UBTD2: variants seen among roughly 807,000 people sequenced by gnomAD.
UBTD2 encodes ubiquitin domain-containing protein 2.
Under a neutral mutation model 19.8 loss-of-function variants are expected in UBTD2, and 9 were observed. That is an observed-to-expected ratio of 0.46 (90% CI 0.27 to 0.79). The LOEUF is 0.79. Among genes scored for constraint, UBTD2 ranks in the 30% least tolerant of loss-of-function variants. The probability of loss-of-function intolerance (pLI) is 0.14; values close to 1 mark genes in which losing one functional copy is unlikely to be tolerated. For synonymous variants in UBTD2, 98 were observed against 103.9 expected (o/e 0.94, Z 0.35); for missense variants, 250 against 300.4 (o/e 0.83, Z 1.24).
At chr5:172,273,755 A>G (rs569921516) in intron 1 of UBTD2, among the ~76,000 whole-genome samples, 1 of 152,186 alleles carries the variant, frequency 6.6e-6, no homozygotes, top group East Asian at 1.9e-4. Context: ...CTAGTGCTAA[A>G]ACTTTTCCCA....
At chr5:172,232,275 AAAAAT>A (rs766143573) in intron 2 of UBTD2, among the ~76,000 whole-genome samples, 1 of 151,508 alleles carries the variant, frequency 6.6e-6, no homozygotes. Context: ...CCTGTCTCAA[AAAAAT>A]AAAATAAGTT....
At chr5:172,242,077 CT>C (rs1382154799) in intron 1 of UBTD2, among the ~76,000 whole-genome samples, 1 of 152,156 alleles carries the variant, frequency 6.6e-6, no homozygotes, top group Non-Finnish European at 1.5e-5. Flanking sequence ...ACTTCCTCCC[CT>C]TTTTTTCTCT....
At chr5:172,239,453 T>C (rs1772078949) in intron 1 of UBTD2, among the ~76,000 whole-genome samples, 1 of 151,992 alleles carries the variant, frequency 6.6e-6, no homozygotes, top group Non-Finnish European at 1.5e-5. Context: ...GGAGTTTCAC[T>C]CTTGTTGCCC....
intron 1 of UBTD2, among the ~76,000 whole-genome samples, chr5:172,279,507 A>AAAGGAAT (rs1288624159): frequency 6.6e-6 from 1 of 152,216 alleles, no homozygotes; most frequent in African/African-American, 2.4e-5. Flanking sequence ...ATGAATGTCC[A>AAAGGAAT]GCATTCAGTT....
intron 1 of UBTD2, among the ~76,000 whole-genome samples, chr5:172,249,752 T>C (rs1171677226): frequency 1.3e-5 from 2 of 152,192 alleles, no homozygotes; most frequent in Non-Finnish European, 2.9e-5. Context: ...TTGAGATTTT[T>C]CTCAAAACTG....
intron 1 of UBTD2, among the ~76,000 whole-genome samples, chr5:172,235,713 C>T (rs577325289): frequency 2.0e-5 from 3 of 152,260 alleles, no homozygotes; most frequent in South Asian, 4.1e-4. Flanking sequence ...TATCTGTGAT[C>T]TATTTCCATG....
intron 1 of UBTD2, among the ~76,000 whole-genome samples, chr5:172,244,545 G>A (rs866193448): frequency 2.6e-5 from 4 of 151,608 alleles, no homozygotes; most frequent in Admixed American, 6.6e-5. Context: ...TGATCCGCCC[G>A]CCTTAGCCTC....
intron 1 of UBTD2, among the ~76,000 whole-genome samples, chr5:172,251,905 G>A (rs548453801): frequency 7.9e-5 from 12 of 152,282 alleles, no homozygotes; most frequent in African/African-American, 2.6e-4. Context: ...TAAAGATGTC[G>A]ATTACCTGGG....
intron 1 of UBTD2, among the ~76,000 whole-genome samples, chr5:172,239,902 TCAAAA>T (rs544819677): frequency 2.0e-4 from 30 of 152,232 alleles, no homozygotes; most frequent in African/African-American, 5.5e-4. Context: ...AGACTCCGTC[TCAAAA>T]CAAAACAAAA....
At chr5:172,236,918 G>A (rs1253562454) in intron 1 of UBTD2, among the ~76,000 whole-genome samples, 1 of 152,102 alleles carries the variant, frequency 6.6e-6, no homozygotes, top group Non-Finnish European at 1.5e-5. Context: ...ATCATAATAA[G>A]GGTACAAAGT....
intron 1 of UBTD2, among the ~76,000 whole-genome samples, chr5:172,274,789 C>G (rs1755574646): frequency 1.3e-5 from 2 of 151,690 alleles, no homozygotes; most frequent in Admixed American, 1.3e-4. Flanking sequence ...GCCTGTAATC[C>G]CAGCACTTTG....
chr5:172,259,588 T>C (rs1421492385), intron 1 of UBTD2, among the ~76,000 whole-genome samples: 1 of 152,144 alleles, frequency 6.6e-6, no homozygotes, highest in Admixed American at 6.6e-5. Context: ...ATATGTACTG[T>C]ATACACCATA....
rs1191361417 is a variant in UBTD2 at position 172,244,295 on chromosome 5, G to GTTT, written c.71-9940_71-9938dup. 7.8e-4 allele frequency among the ~76,000 whole-genome samples: 98 copies of GTTT among 126,062 alleles called. 3 individuals carry two copies. The highest frequency in any genetic ancestry group is 2.8e-3 in the African/African-American group (92 of 33,132). 82.7% of individuals were successfully genotyped at this position (126,062 alleles called of 152,430 possible). A position where few individuals can be genotyped will look rare whatever the true frequency, so the allele number is the denominator to read the frequency against. ...CAAGACTGTTTCCCCTTTCCTCCCA[G>GTTT]TTTTTTTTTTTTTTTTTTGAGACAG... is the stretch of plus-strand genomic sequence containing the variant. On this transcript the variant is annotated intron_variant, in intron 1 of 2. Coordinates refer to ENST00000393792, the MANE Select transcript of UBTD2 (RefSeq NM_152277.3).
chr5:172,246,895 C>T (rs1271564936), intron 1 of UBTD2, among the ~76,000 whole-genome samples: 1 of 149,912 alleles, frequency 6.7e-6, no homozygotes, highest in African/African-American at 2.5e-5. Context: ...TCCCAAGTAG[C>T]TGGGATTGCA....
intron 1 of UBTD2, chr5:172,254,469 C>A: frequency 2.0e-6 from 1 of 509,284 alleles, no homozygotes; most frequent in Middle Eastern, 3.5e-4. Flanking sequence ...AGGTTTGATT[C>A]CAGTATGTTT....
At chr5:172,244,728 AT>A (rs1754827566) in intron 1 of UBTD2, among the ~76,000 whole-genome samples, 1 of 151,928 alleles carries the variant, frequency 6.6e-6, no homozygotes, top group South Asian at 2.1e-4. Flanking sequence ...TCTGTTTTGT[AT>A]TCTTTTTTTC....
At chr5:172,213,780 CT>C (rs112049461) in intron 2 of UBTD2, among the ~76,000 whole-genome samples, 40 of 150,368 alleles carry the variant, frequency 2.7e-4, no homozygotes, top group African/African-American at 6.3e-4. Context: ...GAAAGCATAC[CT>C]TTTTTTTTTC....
intron 1 of UBTD2, among the ~76,000 whole-genome samples, chr5:172,248,117 T>C (rs78271337): frequency 6.3e-4 from 96 of 151,818 alleles, no homozygotes; most frequent in African/African-American, 2.1e-3. Context: ...ATGAGATGAA[T>C]AGAAGTGAAC....
intron 2 of UBTD2, among the ~76,000 whole-genome samples, chr5:172,229,989 G>A (rs182156020): frequency 2.6e-5 from 4 of 152,230 alleles, no homozygotes; most frequent in Admixed American, 2.6e-4. Flanking sequence ...TTCAAGAAAT[G>A]TAAGACAATG....
Sources: gnomAD v4.1 joint callset for allele counts (sites outside exome capture counted in the v4.1 genomes callset) on GRCh38, gnomAD v4.1.1 for gene constraint, MANE v1.5 for transcripts, NCBI Gene and HGNC (gene_info 2026-07-23, HGNC 2026-07-21) for gene names.